The following SYN2 variants were observed in gnomAD, a reference collection of about 807,000 sequenced individuals.
The protein encoded by SYN2 is synapsin II.
A neutral mutation model predicts 50.9 loss-of-function variants in SYN2; 19 were observed. That is an observed-to-expected ratio of 0.37 (90% confidence interval 0.26 to 0.55). The LOEUF is 0.55. Ranked by LOEUF, SYN2 falls within the 20% of genes least tolerant of loss-of-function variation. The probability of loss-of-function intolerance (pLI) is 0.81; values close to 1 mark genes in which losing one functional copy is unlikely to be tolerated. For missense variants in SYN2, 587 were observed against 576.4 expected, an observed-to-expected ratio of 1.02 and a Z score of -0.19; for synonymous variants, 255 against 224.9, an observed-to-expected ratio of 1.13 and a Z score of -1.20.
intron 7 of SYN2, 77 bp downstream of exon 7, chr3:12,162,231 A>G (rs1296460537): frequency 1.3e-6 from 2 of 1,548,346 alleles, no homozygotes; most frequent in Non-Finnish European, 1.8e-6. Context: ...CAACTCTCAG[A>G]TAACAGAGAG....
In SYN2 at chr3:12,141,129, G is replaced by A. The variant is rs143442399; in HGVS notation, c.435+421G>A. ...GAGTGATGGCTCCTTTGGGCCTGAG[G>A]CTATACTTTAGAGGAAACTTAGAAA... On this transcript the variant is annotated intron_variant, in intron 2 of 12. Transcript: ENST00000621198. 6.6e-5 allele frequency among the ~76,000 whole-genome samples: 10 copies of A among 152,170 alleles called. No homozygotes were observed. The East Asian group carries it at 1.7e-3, about 26-fold the overall frequency.
intron 9 of SYN2, 135 bp from the exon 10 acceptor site, chr3:12,169,621 TC>T: frequency 1.1e-6 from 1 of 947,154 alleles, no homozygotes; most frequent in East Asian, 2.7e-5. Context: ...TGATCACACT[TC>T]CAGCTGAAGA....
At chr3:12,091,219 T>C (rs1695817893) in intron 1 of SYN2, among the ~76,000 whole-genome samples, 1 of 152,158 alleles carries the variant, frequency 6.6e-6, no homozygotes, top group Non-Finnish European at 1.5e-5. Context: ...TTGTGTAAAA[T>C]TGGTACTACA....
intron 5 of SYN2, among the ~76,000 whole-genome samples, chr3:12,159,577 T>C (rs1200040947): frequency 6.6e-6 from 1 of 152,100 alleles, no homozygotes; most frequent in East Asian, 1.9e-4. Context: ...CCTCAGACTC[T>C]CCAGATAGCT....
intron 1 of SYN2, among the ~76,000 whole-genome samples, chr3:12,007,952 G>A (rs191521886): frequency 2.0e-5 from 3 of 152,212 alleles, no homozygotes; most frequent in South Asian, 4.2e-4. Context: ...ATTTATCTGT[G>A]CCATTAAAAA....
At chr3:12,015,146 T>A (rs1231096286) in intron 1 of SYN2, among the ~76,000 whole-genome samples, 1 of 152,236 alleles carries the variant, frequency 6.6e-6, no homozygotes, top group Non-Finnish European at 1.5e-5. Flanking sequence ...AAAGGCTTTC[T>A]TCTCCTGTGT....
At chr3:12,124,900 A>G (rs563666780) in intron 1 of SYN2, among the ~76,000 whole-genome samples, 4 of 152,242 alleles carry the variant, frequency 2.6e-5, no homozygotes, top group African/African-American at 4.8e-5. Context: ...AGTGTATATT[A>G]ATATAGAAAA....
chr3:12,053,671 T>TC (rs1375204606), intron 1 of SYN2, among the ~76,000 whole-genome samples: 4 of 152,066 alleles, frequency 2.6e-5, no homozygotes, highest in African/African-American at 9.7e-5. Context: ...ACAGGACTTT[T>TC]CCCCCCTAGA....
intron 1 of SYN2, among the ~76,000 whole-genome samples, chr3:12,113,200 C>G (rs1696361427): frequency 6.6e-6 from 1 of 152,102 alleles, no homozygotes; most frequent in Non-Finnish European, 1.5e-5. Flanking sequence ...TATCTTCATG[C>G]AATATTTTTT....
In SYN2 at chr3:12,153,055, C is replaced by G. The variant is rs1019461752; in HGVS notation, c.774+1729C>G. 9.5e-5 allele frequency: 22 copies of G among 230,586 alleles called. No individual in the cohort carries two copies. In the East Asian group the frequency reaches 2.0e-3, roughly 21 times the overall value. 14.3% of individuals were successfully genotyped at this position (230,586 alleles called of 1,614,324 possible). A position where few individuals can be genotyped will look rare whatever the true frequency, so the allele number is the denominator to read the frequency against. On this transcript the variant is annotated intron_variant, in intron 5 of 12. Transcript: ENST00000621198. ...TGAGACAGGGGAAGTAGAGGATACACAGCCACAGTATGTTCTTGTTTTCAT... is the reference window on the plus strand; with the variant it reads ...TGAGACAGGGGAAGTAGAGGATACAGAGCCACAGTATGTTCTTGTTTTCAT...
At chr3:12,089,723 G>A (rs1410470056) in intron 1 of SYN2, among the ~76,000 whole-genome samples, 1 of 152,146 alleles carries the variant, frequency 6.6e-6, no homozygotes, top group African/African-American at 2.4e-5. Context: ...TGTTATAGCA[G>A]CCTCTAGGGA....
chr3:12,128,524 T>C (rs1696721581), intron 1 of SYN2, among the ~76,000 whole-genome samples: 1 of 152,206 alleles, frequency 6.6e-6, no homozygotes, highest in African/African-American at 2.4e-5. Flanking sequence ...AAAAGATCTC[T>C]AAGCAAAATT....
At chr3:12,016,272 A>G (rs1694028185) in intron 1 of SYN2, among the ~76,000 whole-genome samples, 1 of 152,246 alleles carries the variant, frequency 6.6e-6, no homozygotes, top group African/African-American at 2.4e-5. Context: ...ATAAAAGGGC[A>G]CCAATGAAAG....
intron 11 of SYN2, chr3:12,184,964 GAGAAGGAACT>G: frequency 5.1e-6 from 5 of 985,714 alleles, no homozygotes; most frequent in Non-Finnish European, 6.0e-6. Context: ...TCCCAGATCT[GAGAAGGAACT>G]AGTGTTGGTG....
chr3:12,068,028 C>T (rs1000618835), intron 1 of SYN2, among the ~76,000 whole-genome samples: 2 of 152,170 alleles, frequency 1.3e-5, no homozygotes, highest in Non-Finnish European at 2.9e-5. Context: ...CACTGCACTA[C>T]AGCCTGGGTG....
At chr3:12,071,015 C>T (rs749356873) in intron 1 of SYN2, 16 of 553,228 alleles carry the variant, frequency 2.9e-5, no homozygotes, top group Admixed American at 1.5e-4. Flanking sequence ...TGTCTGGAGG[C>T]GCTGTTATAG....
intron 6 of SYN2, 185 bp downstream of exon 6, chr3:12,161,793 C>A: frequency 1.0e-6 from 1 of 958,490 alleles, no homozygotes; most frequent in Non-Finnish European, 1.6e-6. Context: ...AGAATGCAAG[C>A]CACCTGCTTG....
chr3:12,087,394 A>G (rs1242501364), intron 1 of SYN2, among the ~76,000 whole-genome samples: 2 of 152,208 alleles, frequency 1.3e-5, no homozygotes, highest in Non-Finnish European at 2.9e-5. Context: ...AAAGACTACA[A>G]ATATCTAAAG....
intron 8 of SYN2, among the ~76,000 whole-genome samples, chr3:12,167,777 C>T (rs1388084007): frequency 2.6e-5 from 4 of 152,018 alleles, no homozygotes. Context: ...GACAGGAAGC[C>T]AAGGGAAAGT....
Sources: allele counts gnomAD v4.1 joint callset (sites outside exome capture counted in the v4.1 genomes callset), GRCh38; gene constraint gnomAD v4.1.1; transcripts MANE v1.5; gene names NCBI Gene and HGNC (gene_info 2026-07-23, HGNC 2026-07-21).